Variants in GABRE observed in about 807,000 individuals in gnomAD.
GABRE encodes the protein gamma-aminobutyric acid type A receptor subunit epsilon, also known as gamma-aminobutyric acid receptor subunit epsilon.
A neutral mutation model predicts 31.0 loss-of-function variants in GABRE; 20 were observed. The observed-to-expected ratio is 0.64, with a 90% CI of 0.45 to 0.94. GABRE has a LOEUF of 0.94. Among genes scored for constraint, GABRE ranks in the 40% least tolerant of loss-of-function variants. The pLI is 0.00. For synonymous variants in GABRE, 155 were observed against 150.6 expected (o/e 1.03, Z -0.21); for missense variants, 420 against 410.7 (o/e 1.02, Z -0.20).
chrX:151,969,611 A>G, intron 3 of GABRE, 58 bp downstream of exon 3: 8 of 1,093,185 alleles, frequency 7.3e-6, no homozygotes, highest in Non-Finnish European at 8.6e-6. Context: ...AGTCTGTGGA[A>G]GGTCCCATAG....
chrX:151,970,997 G>A, intron 1 of GABRE: 1 of 561,460 alleles, frequency 1.8e-6, no homozygotes, highest in Non-Finnish European at 2.2e-6. Flanking sequence ...CCCACAGACA[G>A]CCATCCAGGA....
intron 4 of GABRE, among the ~76,000 whole-genome samples, chrX:151,961,915 C>A (rs1429104799): frequency 8.9e-6 from 1 of 112,200 alleles, no homozygotes; most frequent in Non-Finnish European, 1.9e-5. Flanking sequence ...GGAGCAACTT[C>A]GATCGGCTTT....
chrX:151,973,690 T>C (rs1405257716), intron 1 of GABRE, among the ~76,000 whole-genome samples: 1 of 111,608 alleles, frequency 9.0e-6, no homozygotes, highest in African/African-American at 3.3e-5. Context: ...AGCAGTCATC[T>C]TCCACCCCAA....
intron 6 of GABRE, chrX:151,958,888 C>T: frequency 6.9e-6 from 2 of 290,778 alleles, no homozygotes; most frequent in Non-Finnish European, 1.4e-5. Flanking sequence ...AAGCTCTAGC[C>T]ACATGAGCAT....
At chrX:151,955,237 A>AC (rs34814871) in intron 8 of GABRE, 131 bp downstream of exon 8, 1 of 1,184,164 alleles carries the variant, frequency 8.4e-7, no homozygotes, top group African/African-American at 1.8e-5. Flanking sequence ...AGTTGATTCA[A>AC]CCCCGCCACC....
chrX:151,960,121 G>C, intron 5 of GABRE, 145 bp from the exon 6 acceptor site: 1 of 513,388 alleles, frequency 1.9e-6, no homozygotes, highest in East Asian at 3.5e-5. Flanking sequence ...TTACCTCATT[G>C]TTGAAGTCCA....
intron 1 of GABRE, chrX:151,971,393 C>A: frequency 3.9e-6 from 1 of 259,337 alleles, no homozygotes; most frequent in Admixed American, 4.4e-5. Flanking sequence ...TATTTAAAAG[C>A]AAACTCTTGA....
intron 1 of GABRE, among the ~76,000 whole-genome samples, chrX:151,973,254 C>T (rs1398565968): frequency 9.0e-6 from 1 of 110,547 alleles, no homozygotes; most frequent in African/African-American, 3.3e-5. Flanking sequence ...GTTTCCATTT[C>T]CCCAGTCCCT....
rs755927663 is a variant in GABRE at position 151,961,240 on chromosome X, C to T, written c.646+43G>A. The T allele has an allele frequency of 2.3e-5, 20 of 879,421 alleles. No homozygotes were observed. The African/African-American group carries it at 3.5e-4, about 15-fold the overall frequency. 72.5% of individuals were successfully genotyped at this position (879,421 alleles called of 1,213,427 possible). A position where few individuals can be genotyped will look rare whatever the true frequency, so the allele number is the denominator to read the frequency against. ...GGCAAGGATGAGAAAAAGAAGGAGCCCAGCATGTTTCTGGGGCCCCAGAAA... is the reference window on the plus strand; with the variant it reads ...GGCAAGGATGAGAAAAAGAAGGAGCTCAGCATGTTTCTGGGGCCCCAGAAA... On this transcript the variant is annotated intron_variant, in intron 5 of 8. Coordinates refer to ENST00000370328, the MANE Select transcript of GABRE (RefSeq NM_004961.4).
rs780136951 is a variant in GABRE, at chrX:151,965,919, G to A, written c.343-3276C>T. 1.1e-4 allele frequency among the ~76,000 whole-genome samples: 12 copies of A among 111,958 alleles called. No individual in the cohort carries two copies. The South Asian group carries it at 1.5e-3, about 14-fold the overall frequency. On this transcript the variant is annotated intron_variant, in intron 3 of 8. Coordinates refer to ENST00000370328, the MANE Select transcript of GABRE (RefSeq NM_004961.4). ...CATTTGAATGAGAGCCTCTGACCCC[G>A]ACCTGCCCCACCTGCCTCCACAAAT... is the stretch of plus-strand genomic sequence containing the variant.
intron 6 of GABRE, chrX:151,957,355 G>T (rs754533006): frequency 3.5e-6 from 1 of 283,365 alleles, no homozygotes; most frequent in Non-Finnish European, 6.7e-6. Flanking sequence ...GCGACCTGTT[G>T]TCAGTGGGAA....
intron 5 of GABRE, among the ~76,000 whole-genome samples, chrX:151,961,055 A>T (rs1934353122): frequency 1.8e-5 from 2 of 111,408 alleles, no homozygotes; most frequent in Admixed American, 1.9e-4. Flanking sequence ...GCCAGTGGAG[A>T]TGGAGAGGAG....
At chrX:151,959,177 T>C (rs1026735075) in intron 6 of GABRE, 1 of 288,419 alleles carries the variant, frequency 3.5e-6, no homozygotes, top group Admixed American at 3.8e-5. Flanking sequence ...GGTGCTCACA[T>C]CTAATTGGGA....
chrX:151,955,616 A>G (rs778197680), intron 7 of GABRE, 49 bp from the exon 8 acceptor site: 20 of 1,200,565 alleles, frequency 1.7e-5, no homozygotes, highest in Non-Finnish European at 2.0e-5. Flanking sequence ...TATGTGCGAC[A>G]TTGGTTAAAA....
At chrX:151,957,641 G>A (rs942985912) in intron 6 of GABRE, 12 of 237,339 alleles carry the variant, frequency 5.1e-5, no homozygotes, top group Admixed American at 1.1e-4. Context: ...TTCTCCGCTC[G>A]TCAAGAGATG....
At chrX:151,969,997 GAA>G (rs1934638652) in intron 2 of GABRE, 186 bp downstream of exon 2, 1 of 1,084,494 alleles carries the variant, frequency 9.2e-7, no homozygotes, top group Admixed American at 3.9e-5. Flanking sequence ...CGAGAGAAGG[GAA>G]AAGTCTTGAT....
chrX:151,955,130 A>G (rs1338512315), intron 8 of GABRE, 46 bp from the exon 9 acceptor site: 35 of 1,185,586 alleles, frequency 3.0e-5, no homozygotes, highest in Middle Eastern at 2.3e-4. Flanking sequence ...AGGGAAGATA[A>G]CCCAAGTCTA....
intron 6 of GABRE, chrX:151,957,443 G>T (rs1222517889): frequency 3.0e-6 from 1 of 330,620 alleles, no homozygotes; most frequent in Admixed American, 3.1e-5. Flanking sequence ...TTGCCTACTG[G>T]CCAGAATGTA....
Position 151,972,566 on chromosome X carries a change from C to T in GABRE, c.56+2004G>A, listed in dbSNP as rs981825517. On this transcript the variant is annotated intron_variant, in intron 1 of 8. Coordinates refer to ENST00000370328, the MANE Select transcript of GABRE (RefSeq NM_004961.4). ...AAATCCATGGACGAGATCCTCCCCG[C>T]TGCCCCAAGTTTAAAAGTGCAGAGG... is the stretch of plus-strand genomic sequence containing the variant. 1.5e-5 allele frequency: 11 copies of T among 751,940 alleles called. No individual in the cohort carries two copies. In the African/African-American group the frequency reaches 2.6e-4, roughly 18 times the overall value. 62.0% of individuals were successfully genotyped at this position (751,940 alleles called of 1,213,427 possible).
Sources: allele counts gnomAD v4.1 joint callset (sites outside exome capture counted in the v4.1 genomes callset), GRCh38; gene constraint gnomAD v4.1.1; transcripts MANE v1.5; gene names NCBI Gene and HGNC (gene_info 2026-07-23, HGNC 2026-07-21).